The following ATL2 variants were observed in gnomAD, a reference collection of about 807,000 sequenced individuals.
ATL2 encodes atlastin GTPase 2.
A neutral mutation model predicts 73.9 loss-of-function variants in ATL2; 31 were observed. That is an observed-to-expected ratio of 0.42 (90% CI 0.32 to 0.57). The LOEUF is 0.57. ATL2 is among the 20% of genes least tolerant of loss of function. ATL2 has a pLI of 0.14. For synonymous variants in ATL2, 291 were observed against 237.5 expected, an observed-to-expected ratio of 1.23 and a Z score of -2.07; for missense variants, 738 against 702.6, an observed-to-expected ratio of 1.05 and a Z score of -0.57.
intron 1 of ATL2, among the ~76,000 whole-genome samples, chr2:38,371,880 G>C (rs1236538655): frequency 6.6e-6 from 1 of 152,218 alleles, no homozygotes; most frequent in Non-Finnish European, 1.5e-5. Flanking sequence ...CTGGGTGACA[G>C]AGGGAGGCTC....
At chr2:38,366,542 G>A (rs1391403549) in intron 1 of ATL2, among the ~76,000 whole-genome samples, 1 of 151,934 alleles carries the variant, frequency 6.6e-6, no homozygotes, top group East Asian at 1.9e-4. Flanking sequence ...TCAAACCAGT[G>A]GCATAGCCTA....
chr2:38,366,138 C>T (rs1395364593), intron 1 of ATL2, among the ~76,000 whole-genome samples: 1 of 150,544 alleles, frequency 6.6e-6, no homozygotes, highest in Non-Finnish European at 1.5e-5. Context: ...GAGCTTCGCA[C>T]TATACTCTCC....
chr2:38,376,949 GC>G (rs1672008333), intron 1 of ATL2, among the ~76,000 whole-genome samples, 193 bp downstream of exon 1: 1 of 151,000 alleles, frequency 6.6e-6, no homozygotes, highest in Non-Finnish European at 1.5e-5. Context: ...CCCACGAGCC[GC>G]CCTTTCAGGC....
At chr2:38,369,752 G>C (rs1177706736) in intron 1 of ATL2, among the ~76,000 whole-genome samples, 2 of 151,958 alleles carry the variant, frequency 1.3e-5, no homozygotes, top group Non-Finnish European at 2.9e-5. Context: ...TTAAAGTGCT[G>C]ATAAAAAGAA....
At chr2:38,377,317 C>G (rs1273320010), upstream of ATL2, 1 of 1,453,178 alleles carries the variant, frequency 6.9e-7, no homozygotes, top group Non-Finnish European at 9.2e-7. Context: ...GCCGCTTTAT[C>G]AACCTCCCGG....
chr2:38,328,339 T>A (rs1668785330), intron 2 of ATL2, among the ~76,000 whole-genome samples: 1 of 152,162 alleles, frequency 6.6e-6, no homozygotes, highest in African/African-American at 2.4e-5. Context: ...GATCTGACAT[T>A]ATAGTATATT....
intron 1 of ATL2, among the ~76,000 whole-genome samples, chr2:38,350,378 A>G (rs1025750988): frequency 1.3e-5 from 2 of 152,122 alleles, no homozygotes; most frequent in Admixed American, 1.3e-4. Flanking sequence ...CCTAATATCT[A>G]TTTGCCACAC....
chr2:38,339,179 G>A (rs763694473), intron 2 of ATL2, among the ~76,000 whole-genome samples: 6 of 152,116 alleles, frequency 3.9e-5, no homozygotes, highest in Admixed American at 6.5e-5. Context: ...CTGCGCTACT[G>A]CACTCCAGCC....
intron 1 of ATL2, among the ~76,000 whole-genome samples, chr2:38,357,654 A>C (rs1449790682): frequency 6.7e-6 from 1 of 148,348 alleles, no homozygotes; most frequent in Non-Finnish European, 1.5e-5. Context: ...TCCGTCTCAA[A>C]AAAAAAAAAA....
intron 4 of ATL2, among the ~76,000 whole-genome samples, chr2:38,315,788 G>A (rs1446745585): frequency 3.9e-5 from 6 of 152,054 alleles, no homozygotes; most frequent in African/African-American, 7.2e-5. Context: ...TTACTCAGGG[G>A]TACCTCCACT....
At chr2:38,370,306 G>A (rs552732406) in intron 1 of ATL2, among the ~76,000 whole-genome samples, 364 of 147,632 alleles carry the variant, frequency 2.5e-3, no homozygotes, top group African/African-American at 8.5e-3. Context: ...AAAATTAGCC[G>A]GGCACGGTGG....
intron 7 of ATL2, among the ~76,000 whole-genome samples, chr2:38,311,121 C>CA (rs369241978): frequency 0.087 from 12,547 of 144,998 alleles, 1,592 homozygotes; most frequent in African/African-American, 0.28. Context: ...CAGAACAAAA[C>CA]AAAAAAAAAA....
At chr2:38,341,652 C>A (rs897746146) in intron 2 of ATL2, among the ~76,000 whole-genome samples, 1 of 152,164 alleles carries the variant, frequency 6.6e-6, no homozygotes, top group Non-Finnish European at 1.5e-5. Context: ...GAGATCACGT[C>A]TCAATCAATG....
At position 38,294,286 on chromosome 2, in the gene ATL2, C is replaced by T. The variant is rs888028793; in HGVS notation, c.*1708G>A. On this transcript the variant is annotated 3_prime_UTR_variant, in exon 13 of 13. Transcript: ENST00000378954. The stretch of plus-strand genomic sequence containing the variant: ...ACTAAGGGCCGGGCGCGGTGGCTCA[C>T]GCCTGTAATCCCAACACTTTGGGAG... 6.6e-6 allele frequency among the ~76,000 whole-genome samples: 1 copy of T among 152,220 alleles called. No individual in the cohort carries two copies. The highest frequency in any genetic ancestry group is 1.5e-5 in the Non-Finnish European group (1 of 68,044).
At chr2:38,344,325 T>G (rs911477115) in intron 1 of ATL2, among the ~76,000 whole-genome samples, 6 of 152,128 alleles carry the variant, frequency 3.9e-5, no homozygotes, top group Non-Finnish European at 5.9e-5. Context: ...TATATTAAAA[T>G]TGTTCATGTG....
chr2:38,339,658 G>A (rs1392528730), intron 2 of ATL2, among the ~76,000 whole-genome samples: 4 of 151,980 alleles, frequency 2.6e-5, no homozygotes, highest in Non-Finnish European at 4.4e-5. Flanking sequence ...AGCAAAATGT[G>A]GCATAATCAT....
At chr2:38,347,457 G>C (rs1281928153) in intron 1 of ATL2, among the ~76,000 whole-genome samples, 1 of 152,122 alleles carries the variant, frequency 6.6e-6, no homozygotes, top group African/African-American at 2.4e-5. Flanking sequence ...TATCTCCTCA[G>C]CATGGCCCTC....
In ATL2 at chr2:38,345,515, A is replaced by C. The variant is rs565602616; in HGVS notation, c.119-2003T>G. ...TTCAAAATGTGCTGAAAACAATGAC[A>C]ATGCATTATAAAGAGCAAGCCACTT... On this transcript the variant is annotated intron_variant, in intron 1 of 12. Transcript: ENST00000378954. Among the ~76,000 whole-genome samples the C allele has an allele frequency of 4.6e-5, 7 of 152,344 alleles. No individual in the cohort carries two copies. In the South Asian group the frequency reaches 1.4e-3, roughly 32 times the overall value.
intron 2 of ATL2, among the ~76,000 whole-genome samples, chr2:38,332,711 A>G (rs936622571): frequency 3.3e-5 from 5 of 152,232 alleles, no homozygotes; most frequent in African/African-American, 9.6e-5. Flanking sequence ...ACCCACTTGT[A>G]TAACACTACC....
Sources: allele counts gnomAD v4.1 joint callset (sites outside exome capture counted in the v4.1 genomes callset), GRCh38; gene constraint gnomAD v4.1.1; transcripts MANE v1.5; gene names NCBI Gene and HGNC (gene_info 2026-07-23, HGNC 2026-07-21).